Variants in PLCL2 observed in about 807,000 individuals in gnomAD.
The protein encoded by PLCL2 is phospholipase C like 2, also known as inactive phospholipase C-like protein 2.
PLCL2 carries 4 observed loss-of-function variants against 79.6 expected under a neutral mutation model. That is an observed-to-expected ratio of 0.05 (90% CI 0.02 to 0.11). PLCL2 has a LOEUF of 0.11. PLCL2 is among the 10% of genes least tolerant of loss of function. The pLI, the probability that PLCL2 is intolerant of heterozygous loss-of-function variation, is 1.00. For missense variants in PLCL2, 895 were observed against 1,291.0 expected, an observed-to-expected ratio of 0.69 and a Z score of 4.70; for synonymous variants, 484 against 457.7, an observed-to-expected ratio of 1.06 and a Z score of -0.73.
At chr3:16,973,355 CT>C (rs57892589) in intron 1 of PLCL2, among the ~76,000 whole-genome samples, 1,741 of 137,724 alleles carry the variant, frequency 0.013, 25 homozygotes, top group Admixed American at 0.049. Flanking sequence ...CTGCCTTTAA[CT>C]TTTTTTTTTT....
In PLCL2 at chr3:17,009,264, G is replaced by A. The variant is rs998686537; in HGVS notation, c.328-410G>A. On this transcript the variant is annotated intron_variant, in intron 1 of 5. Coordinates refer to ENST00000615277, the MANE Select transcript of PLCL2 (RefSeq NM_001144382.2). This position sits in a 1 kb window ranked among gnomAD's most constrained non-coding sequence, Gnocchi z 4.0. The stretch of plus-strand genomic sequence containing the variant: ...GCCTCCCAAAGTGCTGGGATTACAG[G>A]CATGAGCCACCATGCCCGGCCAAAA... Among the ~76,000 whole-genome samples the A allele has an allele frequency of 1.4e-4, 21 of 152,184 alleles. No individual in the cohort carries two copies. Among genetic ancestry groups the A allele is most frequent in the African/African-American group, 5.1e-4 (21 of 41,512 alleles).
At chr3:16,936,879 A>G (rs183847141) in intron 1 of PLCL2, among the ~76,000 whole-genome samples, 12 of 152,202 alleles carry the variant, frequency 7.9e-5, no homozygotes, top group Non-Finnish European at 1.6e-4. Flanking sequence ...GTCCAGGTGT[A>G]CGTATTAACC....
chr3:17,024,497 A>G (rs1273740549), intron 3 of PLCL2, among the ~76,000 whole-genome samples: 2 of 152,170 alleles, frequency 1.3e-5, no homozygotes, highest in Admixed American at 1.3e-4. Flanking sequence ...TCTGTGCAGT[A>G]TCTTAAATTG....
intron 1 of PLCL2, among the ~76,000 whole-genome samples, chr3:16,934,868 G>A (rs1697502383): frequency 6.6e-6 from 1 of 152,178 alleles, no homozygotes; most frequent in Non-Finnish European, 1.5e-5. Flanking sequence ...TTAACAAAAA[G>A]ATTATGTGCA....
chr3:16,934,905 C>A (rs1447244050), intron 1 of PLCL2, among the ~76,000 whole-genome samples: 2 of 152,194 alleles, frequency 1.3e-5, no homozygotes, highest in Non-Finnish European at 2.9e-5. Flanking sequence ...ATTCTTGCAT[C>A]TTTATGAAAC....
intron 1 of PLCL2, among the ~76,000 whole-genome samples, chr3:16,972,351 T>G (rs1420411500): frequency 6.6e-6 from 1 of 152,148 alleles, no homozygotes; most frequent in African/African-American, 2.4e-5. Flanking sequence ...TGCAGTGGTT[T>G]TGAGTGTGGT....
At chr3:17,038,289 A>G (rs188388674) in intron 3 of PLCL2, among the ~76,000 whole-genome samples, 22 of 152,336 alleles carry the variant, frequency 1.4e-4, no homozygotes, top group Admixed American at 1.4e-3. Context: ...ATCTTGCCCT[A>G]GAAAAAACAA....
At chr3:16,999,110 A>G (rs1366555636) in intron 1 of PLCL2, among the ~76,000 whole-genome samples, 1 of 152,222 alleles carries the variant, frequency 6.6e-6, no homozygotes, top group Non-Finnish European at 1.5e-5. Flanking sequence ...GACTTAAATG[A>G]TCATTTTAAT....
At chr3:17,057,330 T>C (rs978927885) in intron 4 of PLCL2, among the ~76,000 whole-genome samples, 22 of 152,156 alleles carry the variant, frequency 1.4e-4, no homozygotes, top group Admixed American at 5.9e-4. Flanking sequence ...TCTGTCAGTG[T>C]CTTAAAGACT....
At chr3:16,978,265 C>A (rs753921258) in intron 1 of PLCL2, among the ~76,000 whole-genome samples, 1 of 152,134 alleles carries the variant, frequency 6.6e-6, no homozygotes, top group Non-Finnish European at 1.5e-5. Context: ...GGACAACTTA[C>A]AAAAATTAAT....
At chr3:16,978,987 A>T (rs1380447032) in intron 1 of PLCL2, among the ~76,000 whole-genome samples, 1 of 152,212 alleles carries the variant, frequency 6.6e-6, no homozygotes, top group East Asian at 1.9e-4. Flanking sequence ...CTAAGGAATG[A>T]TGCCTTCTTT....
chr3:17,001,488 T>C lies in PLCL2; in HGVS notation c.328-8186T>C, dbSNP rs140641267. On this transcript the variant is annotated intron_variant, in intron 1 of 5. Coordinates refer to ENST00000615277, the MANE Select transcript of PLCL2 (RefSeq NM_001144382.2). ...CTTCTAGTAGTTTCATAGTTTCAGG[T>C]CTTACATTTAAGTCTTTAATCCATT... Among the ~76,000 whole-genome samples, 420 of 152,312 alleles carry C rather than the reference T, an allele frequency of 2.8e-3. 6 individuals carry two copies. The highest frequency in any genetic ancestry group is 9.6e-3 in the African/African-American group (399 of 41,586).
At chr3:16,931,156 TA>T (rs1697383639) in intron 1 of PLCL2, among the ~76,000 whole-genome samples, 1 of 140,730 alleles carries the variant, frequency 7.1e-6, no homozygotes, top group Admixed American at 7.1e-5. Flanking sequence ...GATTGCCATT[TA>T]TTTTTTTTTT....
At chr3:17,032,348 C>A (rs1000904437) in intron 3 of PLCL2, among the ~76,000 whole-genome samples, 2 of 152,090 alleles carry the variant, frequency 1.3e-5, no homozygotes, top group Non-Finnish European at 2.9e-5. Flanking sequence ...CTTTATGGCT[C>A]ACTCACTTGT....
intron 4 of PLCL2, among the ~76,000 whole-genome samples, chr3:17,049,583 G>A (rs928610752): frequency 1.6e-4 from 24 of 151,900 alleles, no homozygotes; most frequent in African/African-American, 5.3e-4. Flanking sequence ...ACTTAAAATA[G>A]CCCCAAATAA....
chr3:16,902,811 A>G (rs551294652), intron 1 of PLCL2, among the ~76,000 whole-genome samples: 1 of 142,296 alleles, frequency 7.0e-6, no homozygotes, highest in African/African-American at 2.7e-5. Context: ...TGGTAAACAG[A>G]GCTACACTCC....
intron 1 of PLCL2, among the ~76,000 whole-genome samples, chr3:16,898,497 C>T (rs2124918643): frequency 6.6e-6 from 1 of 152,266 alleles, no homozygotes; most frequent in Middle Eastern, 3.4e-3. Flanking sequence ...ATGAATGCTA[C>T]CCGGAGGGGT....
chr3:16,915,664 G>C (rs1219736930), intron 1 of PLCL2, among the ~76,000 whole-genome samples: 1 of 151,948 alleles, frequency 6.6e-6, no homozygotes, highest in East Asian at 1.9e-4. Flanking sequence ...ACTTCTCATT[G>C]ATTTATTCTG....
At chr3:16,893,750 CTA>C (rs1265869115) in intron 1 of PLCL2, among the ~76,000 whole-genome samples, 1 of 152,132 alleles carries the variant, frequency 6.6e-6, no homozygotes, top group Admixed American at 6.5e-5. Flanking sequence ...AAAAAAATAG[CTA>C]TTTTTTGTGA....
Sources: gnomAD v4.1 joint callset for allele counts (sites outside exome capture counted in the v4.1 genomes callset) on GRCh38, gnomAD v4.1.1 for gene constraint, Gnocchi (gnomAD v3.1) non-coding constraint, MANE v1.5 for transcripts, NCBI Gene and HGNC (gene_info 2026-07-23, HGNC 2026-07-21) for gene names.